The following DNAH7 variants were observed in gnomAD, a reference collection of about 807,000 sequenced individuals.
DNAH7 encodes axonemal beta dynein heavy chain 7.
DNAH7 carries 397 observed loss-of-function variants against 444.6 expected under a neutral mutation model. The ratio of observed to expected loss-of-function variants is 0.89; its 90% CI spans 0.82 to 0.97. The LOEUF is 0.97. DNAH7 is among the 50% of genes least tolerant of loss of function. DNAH7 has a pLI of 0.00. For missense variants in DNAH7, 4,902 were observed against 4,800.8 expected (o/e 1.02, Z -0.62); for synonymous variants, 1,636 against 1,624.4 (o/e 1.01, Z -0.17).
chr2:195,854,301 T>C (rs1699568647), intron 45 of DNAH7, among the ~76,000 whole-genome samples: 1 of 152,164 alleles, frequency 6.6e-6, no homozygotes, highest in Non-Finnish European at 1.5e-5. Flanking sequence ...TGTTCAAAAA[T>C]AATTACATGA....
At chr2:195,924,240 A>C (rs1243056070) in intron 22 of DNAH7, among the ~76,000 whole-genome samples, 1 of 152,144 alleles carries the variant, frequency 6.6e-6, no homozygotes, top group Non-Finnish European at 1.5e-5. Flanking sequence ...AAGTAACTAC[A>C]AGCTGTCTTC....
intron 10 of DNAH7, among the ~76,000 whole-genome samples, chr2:196,009,659 A>C (rs955446243): frequency 1.3e-5 from 2 of 152,234 alleles, no homozygotes; most frequent in Non-Finnish European, 2.9e-5. Flanking sequence ...AAAAATTAAC[A>C]AACAGGATAA....
intron 9 of DNAH7, among the ~76,000 whole-genome samples, chr2:196,017,517 AC>A (rs1695105541): frequency 6.6e-6 from 1 of 150,676 alleles, no homozygotes; most frequent in Non-Finnish European, 1.5e-5. Flanking sequence ...GATTCCTCTC[AC>A]CAAATATAAG....
rs115282693 is a variant in DNAH7 at position 195,949,590 on chromosome 2, T to C, written c.3078+7671A>G. On this transcript the variant is annotated intron_variant, in intron 19 of 64. Transcript: ENST00000312428. Reference sequence around the variant, plus strand: ...TGAGCCACAGCGCCTGGCTTACCCTTTATTTCTTTATCCTGCCTGATTGCC... The same window carrying C: ...TGAGCCACAGCGCCTGGCTTACCCTCTATTTCTTTATCCTGCCTGATTGCC... Among the ~76,000 whole-genome samples, 519 of 152,236 alleles carry C rather than the reference T, an allele frequency of 3.4e-3. 1 individual carries two copies. Among genetic ancestry groups the C allele is most frequent in the African/African-American group, 0.012 (503 of 41,534 alleles).
At chr2:195,849,071 AT>A (rs946612915) in intron 46 of DNAH7, among the ~76,000 whole-genome samples, 2 of 152,036 alleles carry the variant, frequency 1.3e-5, no homozygotes, top group South Asian at 2.1e-4. Flanking sequence ...CAAACATTCA[AT>A]TTTTTTATTA....
chr2:196,015,106 T>G (rs1361507654), intron 9 of DNAH7, among the ~76,000 whole-genome samples: 1 of 152,184 alleles, frequency 6.6e-6, no homozygotes, highest in Non-Finnish European at 1.5e-5. Flanking sequence ...TGGATTCAAG[T>G]GTTACCTGTA....
chr2:195,739,745 G>C (rs183287403), intron 64 of DNAH7, among the ~76,000 whole-genome samples: 1 of 152,078 alleles, frequency 6.6e-6, no homozygotes, highest in Non-Finnish European at 1.5e-5. Context: ...AAAATCAATT[G>C]GCAGCATTGT....
rs368426676 is a variant in DNAH7, at chr2:196,047,378, A to G, written c.372T>C (p.Phe124=). The change falls in exon 5 of 65, where the codon TTT becomes TTC. Residue 124 remains phenylalanine (F), a synonymous_variant. Transcript: ENST00000312428. ...GKSPHKEREN[F]RSTLVNVIMQ... ...TAATGACATTAACAAGAGTACTTCT[A>G]AAGTTTTCTCGTTCTTTATGTGGAG... 6 of 1,598,226 alleles carry G rather than the reference A, an allele frequency of 3.8e-6. No homozygotes were observed. Among genetic ancestry groups the G allele is most frequent in the South Asian group, 2.3e-5 (2 of 87,752 alleles).
At chr2:195,870,102 A>T (rs980585395) in intron 40 of DNAH7, among the ~76,000 whole-genome samples, 1 of 152,236 alleles carries the variant, frequency 6.6e-6, no homozygotes, top group African/African-American at 2.4e-5. Flanking sequence ...ATGTGTAGCA[A>T]GCCTGCCTGC....
intron 15 of DNAH7, among the ~76,000 whole-genome samples, chr2:195,982,127 C>A (rs982793574): frequency 2.0e-5 from 3 of 152,046 alleles, no homozygotes; most frequent in Admixed American, 1.3e-4. Context: ...GCTCAAACAA[C>A]TCTATAGAAA....
intron 41 of DNAH7, among the ~76,000 whole-genome samples, chr2:195,862,256 C>T (rs1176848322): frequency 6.6e-6 from 1 of 152,104 alleles, no homozygotes; most frequent in Non-Finnish European, 1.5e-5. Flanking sequence ...TTTCTGTATG[C>T]ATTTTACTGG....
intron 49 of DNAH7, among the ~76,000 whole-genome samples, chr2:195,821,930 C>A (rs1411543943): frequency 6.6e-6 from 1 of 152,152 alleles, no homozygotes; most frequent in Non-Finnish European, 1.5e-5. Flanking sequence ...CAGCTTCTTG[C>A]AAAACCCCTA....
chr2:195,801,217 A>G (rs1283290889), intron 54 of DNAH7, among the ~76,000 whole-genome samples: 2 of 152,180 alleles, frequency 1.3e-5, no homozygotes, highest in Non-Finnish European at 2.9e-5. Context: ...AGCAACACAG[A>G]ACAGACTAAG....
At chr2:195,774,950 C>T (rs891117798) in intron 60 of DNAH7, among the ~76,000 whole-genome samples, 2 of 152,142 alleles carry the variant, frequency 1.3e-5, no homozygotes, top group Non-Finnish European at 2.9e-5. Context: ...GGACTAATTT[C>T]CTTTCAAAAA....
chr2:195,830,036 GTTATT>G lies in DNAH7; in HGVS notation c.9100+4165_9100+4169del, dbSNP rs752777331. On this transcript the variant is annotated intron_variant, in intron 48 of 64. Coordinates refer to ENST00000312428, the MANE Select transcript of DNAH7 (RefSeq NM_018897.3). ...TACCCAGGATGCTCTCTTTAATTTC[GTTATT>G]TTATTTTGACTCCTTTAACTTTTAA... Among the ~76,000 whole-genome samples, 21 of 152,076 alleles carry G rather than the reference GTTATT, an allele frequency of 1.4e-4. No individual in the cohort carries two copies. In the East Asian group the frequency reaches 3.3e-3, roughly 24 times the overall value.
Position 195,824,395 on chromosome 2 carries a change from G to A in DNAH7, c.9151C>T (p.Leu3051=). The A allele has an allele frequency of 6.2e-7, 1 of 1,612,506 alleles. No homozygotes were observed. The highest frequency in any genetic ancestry group is 1.1e-5 in the South Asian group (1 of 90,716). The change falls in exon 49 of 65, where the codon CTA becomes TTA. Residue 3051 remains leucine, a synonymous_variant. Transcript: ENST00000312428. The part of the protein sequence containing the change: ...EELDPILEPL[L]LKQTFKQGGS... ...CCCTGCTTAAAGGTTTGTTTTAGTA[G>A]AAGAGGTTCCAAAATAGGATCTAGT...
chr2:195,934,635 A>G lies in DNAH7; in HGVS notation c.3427T>C (p.Trp1143Arg). The change falls in exon 21 of 65, where the codon TGG (tryptophan) becomes CGG (arginine). Residue 1143 changes from tryptophan to arginine, a missense_variant. Coordinates refer to ENST00000312428, the MANE Select transcript of DNAH7 (RefSeq NM_018897.3). ...ATAACTCTCTCTAATTCAACCAACC[A>G]CTTCTCCACTTGACCTCTGGCTTTG... ...TAKARGQVEK[W>R]LVELERVMIN... 6.2e-7 allele frequency: 1 copy of G among 1,613,950 alleles called. No individual in the cohort carries two copies. Among genetic ancestry groups the G allele is most frequent in the Non-Finnish European group, 8.5e-7 (1 of 1,179,950 alleles).
Position 195,969,989 on chromosome 2 carries a change from C to T in DNAH7, c.2164G>A (p.Ala722Thr). 1 of 1,611,762 alleles carries T rather than the reference C, an allele frequency of 6.2e-7. No homozygotes were observed. Among genetic ancestry groups the T allele is most frequent in the Admixed American group, 1.7e-5 (1 of 59,530 alleles). The change falls in exon 17 of 65, where the codon GCT (alanine) becomes ACT (threonine). Residue 722 changes from alanine (A) to threonine (T), a missense_variant. By Grantham distance (58) the Ala-to-Thr change is moderately conservative (BLOSUM62 0). Coordinates refer to ENST00000312428, the MANE Select transcript of DNAH7 (RefSeq NM_018897.3). ...TCCAACTTTCCATTCAGTATTTGAG[C>T]CTTTTTTAGGTACCGCTGAACATCC... The part of the protein sequence containing the change: ...LQDVQRYLKK[A>T]QILNGKLDLA...
Position 195,895,114 on chromosome 2 carries a change from T to G in DNAH7, c.4758A>C (p.Ala1586=), listed in dbSNP as rs765824681. Residue 1586 remains alanine, a synonymous_variant, in exon 30 of 65, where the codon GCA becomes GCC. Coordinates refer to ENST00000312428, the MANE Select transcript of DNAH7 (RefSeq NM_018897.3). ...CTTGAAGAATCTTCTCGGAAAAGAA[T>G]GCAGTCATTTGCAAATTCATGGAGG... ...NCASMNLQMT[A]FFSEKILQVY... is the part of the protein sequence containing the mutation. The G allele has an allele frequency of 1.9e-6, 3 of 1,613,812 alleles. No homozygotes were observed. Among genetic ancestry groups the G allele is most frequent in the Non-Finnish European group, 2.5e-6 (3 of 1,179,816 alleles).
Sources: gnomAD v4.1 joint callset for allele counts (sites outside exome capture counted in the v4.1 genomes callset) on GRCh38, gnomAD v4.1.1 for gene constraint, MANE v1.5 for transcripts, NCBI Gene and HGNC (gene_info 2026-07-23, HGNC 2026-07-21) for gene names.